Variants in CTNNA1 observed in about 807,000 individuals in gnomAD.
CTNNA1 encodes the protein catenin alpha 1, also known as catenin alpha-1.
A neutral mutation model predicts 98.4 loss-of-function variants in CTNNA1; 37 were observed. The observed-to-expected ratio is 0.38, with a 90% CI of 0.29 to 0.49. The LOEUF is 0.49. Among genes scored for constraint, CTNNA1 ranks in the 20% least tolerant of loss-of-function variants. CTNNA1 has a pLI of 0.95. For missense variants in CTNNA1, 761 were observed against 1,147.2 expected (o/e 0.66, Z 4.86); for synonymous variants, 404 against 413.2 (o/e 0.98, Z 0.27).
intron 4 of CTNNA1, among the ~76,000 whole-genome samples, chr5:138,811,159 A>T (rs1346792257): frequency 1.3e-5 from 2 of 149,226 alleles, no homozygotes; most frequent in African/African-American, 5.0e-5. Flanking sequence ...CACTTCTCAG[A>T]TGGGGCGGTT....
Position 138,930,598 on chromosome 5 carries a change from C to T in CTNNA1, c.2136C>T (p.Ile712=), listed in dbSNP as rs1765092313. The T allele has an allele frequency of 1.2e-6, 2 of 1,613,976 alleles. No homozygotes were observed. Among genetic ancestry groups the T allele is most frequent in the Non-Finnish European group, 1.7e-6 (2 of 1,179,990 alleles). Residue 712 remains isoleucine (I), a synonymous_variant, in exon 15 of 18, where the codon ATC becomes ATT. Coordinates refer to ENST00000302763, the MANE Select transcript of CTNNA1 (RefSeq NM_001903.5). ...AATGGGACGACAGTGGCAATGACAT[C>T]ATTGTGCTGGCCAAGCAGATGTGCA... ...VSKWDDSGND[I]IVLAKQMCMI...
intron 7 of CTNNA1, among the ~76,000 whole-genome samples, chr5:138,864,049 A>G (rs1306005401): frequency 6.6e-6 from 1 of 152,112 alleles, no homozygotes; most frequent in East Asian, 1.9e-4. Flanking sequence ...TGCAGCCTCC[A>G]CTTCTGAGAC....
At chr5:138,774,189 T>C (rs1753841256) in intron 1 of CTNNA1, among the ~76,000 whole-genome samples, 1 of 151,866 alleles carries the variant, frequency 6.6e-6, no homozygotes, top group African/African-American at 2.4e-5. Context: ...GGCCTGTTTT[T>C]TATTTTTAAA....
intron 1 of CTNNA1, chr5:138,753,715 C>T: frequency 3.1e-6 from 1 of 321,152 alleles, no homozygotes; most frequent in Non-Finnish European, 5.7e-6. Flanking sequence ...CCCGCAGGGC[C>T]CGAGTATGGG....
intron 10 of CTNNA1, among the ~76,000 whole-genome samples, chr5:138,909,756 T>C (rs1252984094): frequency 2.0e-5 from 3 of 152,212 alleles, no homozygotes; most frequent in East Asian, 1.9e-4. Flanking sequence ...GTCATTGTGC[T>C]TATGGGAACC....
chr5:138,929,113 C>A (rs999258526), intron 13 of CTNNA1, 133 bp from the exon 14 acceptor site: 21 of 724,664 alleles, frequency 2.9e-5, no homozygotes, highest in South Asian at 2.2e-4. Context: ...ACTTTATTCA[C>A]CATACTGTTC....
chr5:138,849,221 T>C (rs1419669009), intron 7 of CTNNA1, among the ~76,000 whole-genome samples: 2 of 152,236 alleles, frequency 1.3e-5, no homozygotes, highest in Non-Finnish European at 2.9e-5. Context: ...TAACTATTCA[T>C]GTAGTTTCAT....
rs751221688 is a variant in CTNNA1 at position 138,824,598 on chromosome 5, G to A, written c.657G>A (p.Pro219=). 1.5e-5 allele frequency: 24 copies of A among 1,614,048 alleles called. No homozygotes were observed. Among genetic ancestry groups the A allele is most frequent in the South Asian group, 2.2e-5 (2 of 91,084 alleles). ...AARGILQKNV[P]ILYTASQACL... ...GAGGAATCCTGCAGAAGAACGTTCC[G>A]ATCCTCTATACTGCATCCCAGGCAT... The change falls in exon 6 of 18, where the codon CCG becomes CCA. Residue 219 remains proline, a synonymous_variant. Transcript: ENST00000302763.
rs569168987 is a variant in CTNNA1, at chr5:138,842,555, T to C, written c.1062+14837T>C. On this transcript the variant is annotated intron_variant, in intron 7 of 17. Coordinates refer to ENST00000302763, the MANE Select transcript of CTNNA1 (RefSeq NM_001903.5). The stretch of plus-strand genomic sequence containing the variant: ...ACCTTTTCAAAACTGGTTTTTCTTA[T>C]GCCGTTAAAGTTTTTCAGTTAAGGA... 2.6e-5 allele frequency among the ~76,000 whole-genome samples: 4 copies of C among 152,360 alleles called. No individual in the cohort carries two copies. In the South Asian group the frequency reaches 6.2e-4, roughly 24 times the overall value.
chr5:138,879,473 G>GT (rs200275537), intron 7 of CTNNA1, among the ~76,000 whole-genome samples: 2,051 of 150,286 alleles, frequency 0.014, 23 homozygotes, highest in African/African-American at 0.036. Flanking sequence ...TGTTTTTTTT[G>GT]TTTTTTTTTA....
intron 8 of CTNNA1, among the ~76,000 whole-genome samples, 173 bp downstream of exon 8, chr5:138,886,465 T>C (rs1754046083): frequency 6.6e-6 from 1 of 152,170 alleles, no homozygotes; most frequent in Admixed American, 6.5e-5. Flanking sequence ...GCTAATCAAA[T>C]TTCATGAAGA....
intron 7 of CTNNA1, among the ~76,000 whole-genome samples, chr5:138,865,417 A>G (rs777261760): frequency 4.0e-5 from 6 of 151,606 alleles, no homozygotes; most frequent in Non-Finnish European, 8.8e-5. Flanking sequence ...GTTCTCTAGA[A>G]CCTCCTTAGA....
intron 10 of CTNNA1, among the ~76,000 whole-genome samples, chr5:138,904,958 G>T (rs1758870092): frequency 1.3e-5 from 2 of 151,696 alleles, no homozygotes. Flanking sequence ...GGTGGGTGTG[G>T]TGGCAGGTGC....
At chr5:138,804,650 C>T (rs1168396329) in intron 3 of CTNNA1, among the ~76,000 whole-genome samples, 1 of 152,162 alleles carries the variant, frequency 6.6e-6, no homozygotes, top group Non-Finnish European at 1.5e-5. Context: ...CGGCTAAATA[C>T]TGGATAATGC....
chr5:138,849,989 A>AAC (rs140124029), intron 7 of CTNNA1, among the ~76,000 whole-genome samples: 2,043 of 151,186 alleles, frequency 0.014, 36 homozygotes, highest in African/African-American at 0.044. Flanking sequence ...GATACAATAA[A>AAC]ACACACACAC....
intron 1 of CTNNA1, among the ~76,000 whole-genome samples, chr5:138,778,653 T>G (rs1370200592): frequency 2.6e-5 from 4 of 152,244 alleles, no homozygotes; most frequent in Non-Finnish European, 5.9e-5. Flanking sequence ...GATTCTTGCC[T>G]GAGGCAATTA....
intron 7 of CTNNA1, among the ~76,000 whole-genome samples, chr5:138,857,559 C>T (rs1000620474): frequency 6.6e-6 from 1 of 152,162 alleles, no homozygotes; most frequent in African/African-American, 2.4e-5. Context: ...TCAAGCAGTC[C>T]TCCCACCTCG....
Position 138,777,260 on chromosome 5 carries a change from G to A in CTNNA1, c.-2-4663G>A, listed in dbSNP as rs1333295715. ...GGCGCTCCCCACATCTCAGACGATG[G>A]GCGGCCGGGCAGAGACGCTCCTCAC... On this transcript the variant is annotated intron_variant, in intron 1 of 17. Transcript: ENST00000302763. Among the ~76,000 whole-genome samples the A allele has an allele frequency of 7.9e-5, 12 of 151,568 alleles. No individual in the cohort carries two copies. In the South Asian group the frequency reaches 2.3e-3, roughly 29 times the overall value.
chr5:138,792,503 G>A (rs1756489115), intron 3 of CTNNA1, among the ~76,000 whole-genome samples: 1 of 152,196 alleles, frequency 6.6e-6, no homozygotes, highest in Admixed American at 6.6e-5. Flanking sequence ...ACTGTTTTAA[G>A]TAGAGTTTGA....
Sources: allele counts gnomAD v4.1 joint callset (sites outside exome capture counted in the v4.1 genomes callset), GRCh38; gene constraint gnomAD v4.1.1; transcripts MANE v1.5; gene names NCBI Gene and HGNC (gene_info 2026-07-23, HGNC 2026-07-21).